SORCS3: variants seen among roughly 807,000 people sequenced by gnomAD.
SORCS3 encodes sortilin related VPS10 domain containing receptor 3.
In SORCS3, 57 loss-of-function variants were observed where a neutral mutation model predicts 146.3. That is an observed-to-expected ratio of 0.39 (90% CI 0.31 to 0.49). The LOEUF (loss-of-function observed/expected upper bound fraction) is 0.49. SORCS3 is among the 20% of genes least tolerant of loss of function. SORCS3 has a pLI of 0.92. For missense variants in SORCS3, 1,341 were observed against 1,575.5 expected (o/e 0.85, Z 2.52); for synonymous variants, 653 against 618.5 (o/e 1.06, Z -0.83).
intron 5 of SORCS3, among the ~76,000 whole-genome samples, chr10:105,054,559 T>C (rs2055433838): frequency 6.6e-6 from 1 of 151,582 alleles, no homozygotes; most frequent in African/African-American, 2.4e-5. Context: ...TTTTTAAGAT[T>C]TATAGGATTT....
chr10:104,779,420 C>T (rs1344217463), intron 1 of SORCS3, among the ~76,000 whole-genome samples: 2 of 152,108 alleles, frequency 1.3e-5, no homozygotes, highest in African/African-American at 4.8e-5. Context: ...TGAGAGGACA[C>T]GTACACACAA....
At chr10:104,718,895 A>G (rs2016510833) in intron 1 of SORCS3, among the ~76,000 whole-genome samples, 1 of 152,220 alleles carries the variant, frequency 6.6e-6, no homozygotes, top group African/African-American at 2.4e-5. Flanking sequence ...TTTATTTCAT[A>G]AAAATAAAGA....
At chr10:105,028,467 C>T (rs1011305882) in intron 4 of SORCS3, among the ~76,000 whole-genome samples, 1 of 152,170 alleles carries the variant, frequency 6.6e-6, no homozygotes, top group Non-Finnish European at 1.5e-5. Context: ...TCCACTACCT[C>T]CCCGTGAAAT....
chr10:104,762,410 C>T (rs1015576973), intron 1 of SORCS3, among the ~76,000 whole-genome samples: 1 of 152,220 alleles, frequency 6.6e-6, no homozygotes, highest in African/African-American at 2.4e-5. Context: ...ATTTGCTTTT[C>T]TCCAACGATG....
chr10:104,968,456 G>A (rs2054839953), intron 3 of SORCS3, among the ~76,000 whole-genome samples: 1 of 152,150 alleles, frequency 6.6e-6, no homozygotes, highest in Admixed American at 6.5e-5. Flanking sequence ...TCAGTCTGAG[G>A]AGCCTGGCCT....
intron 1 of SORCS3, among the ~76,000 whole-genome samples, chr10:104,680,169 G>C (rs2015954435): frequency 6.6e-6 from 1 of 152,106 alleles, no homozygotes; most frequent in African/African-American, 2.4e-5. Context: ...CTCTCAGAGG[G>C]ATACAAATAG....
intron 11 of SORCS3, among the ~76,000 whole-genome samples, chr10:105,163,210 G>A (rs2056281564): frequency 6.6e-6 from 1 of 152,174 alleles, no homozygotes; most frequent in South Asian, 2.1e-4. Flanking sequence ...TTGACAAGCT[G>A]TAGCCTGGCT....
chr10:104,667,290 C>T (rs951212430), intron 1 of SORCS3, among the ~76,000 whole-genome samples: 11 of 151,424 alleles, frequency 7.3e-5, no homozygotes, highest in Admixed American at 6.6e-4. Flanking sequence ...CCCTTCTCCT[C>T]AGCTGCTTTT....
At chr10:104,773,138 A>T (rs979458365) in intron 1 of SORCS3, among the ~76,000 whole-genome samples, 1 of 152,170 alleles carries the variant, frequency 6.6e-6, no homozygotes, top group African/African-American at 2.4e-5. Flanking sequence ...AGCAGCACAC[A>T]TGTGAGTCCC....
chr10:105,066,147 A>T (rs1426028673), intron 5 of SORCS3, among the ~76,000 whole-genome samples: 1 of 152,210 alleles, frequency 6.6e-6, no homozygotes, highest in Non-Finnish European at 1.5e-5. Context: ...GCATGGGCTC[A>T]TCTGGTGGAA....
At chr10:104,872,559 C>G (rs1272156774) in intron 2 of SORCS3, among the ~76,000 whole-genome samples, 1 of 110,496 alleles carries the variant, frequency 9.1e-6, no homozygotes, top group Non-Finnish European at 1.7e-5. Flanking sequence ...TAGGGATCCT[C>G]ATTTTGATTT....
intron 8 of SORCS3, 120 bp downstream of exon 8, chr10:105,139,606 C>T (rs764714550): frequency 2.8e-6 from 2 of 705,340 alleles, no homozygotes; most frequent in African/African-American, 3.5e-5. Context: ...CATTTAGACT[C>T]ACTCACCACC....
At chr10:105,208,366 GA>G (rs2056615057) in intron 16 of SORCS3, among the ~76,000 whole-genome samples, 1 of 149,576 alleles carries the variant, frequency 6.7e-6, no homozygotes, top group Admixed American at 6.7e-5. Flanking sequence ...AAAAAAAAGA[GA>G]AATAAGAGAT....
chr10:105,174,136 A>G (rs1180390205), intron 13 of SORCS3, among the ~76,000 whole-genome samples: 2 of 152,210 alleles, frequency 1.3e-5, no homozygotes, highest in Non-Finnish European at 2.9e-5. Context: ...GATCAGGCAC[A>G]TAGTAGTAGG....
chr10:104,648,826 C>G (rs1384371179), intron 1 of SORCS3, among the ~76,000 whole-genome samples: 6 of 151,978 alleles, frequency 3.9e-5, no homozygotes, highest in Non-Finnish European at 8.8e-5. Context: ...GTCTAAGAAC[C>G]TCAGGATTGC....
At chr10:105,169,010 A>G (rs1053773099) in intron 13 of SORCS3, among the ~76,000 whole-genome samples, 9 of 152,168 alleles carry the variant, frequency 5.9e-5, no homozygotes, top group African/African-American at 1.9e-4. Flanking sequence ...CTTGATATTA[A>G]TGATAGTCAG....
intron 7 of SORCS3, among the ~76,000 whole-genome samples, chr10:105,109,958 G>A (rs532553929): frequency 6.6e-6 from 1 of 151,448 alleles, no homozygotes; most frequent in South Asian, 2.1e-4. Context: ...GGCATATCTT[G>A]AAATATGTTT....
At chr10:105,225,671 A>G (rs1339282696) in intron 20 of SORCS3, among the ~76,000 whole-genome samples, 5 of 152,078 alleles carry the variant, frequency 3.3e-5, no homozygotes, top group Admixed American at 2.0e-4. Flanking sequence ...CAAATTGGTA[A>G]GAAGTGACAT....
Position 104,861,827 on chromosome 10 carries a change from T to C in SORCS3, c.695+18968T>C, listed in dbSNP as rs190174970. On this transcript the variant is annotated intron_variant, in intron 2 of 26. Transcript: ENST00000369701. ...ACCGTCCTGGAGGCTGAGTCTGAGA[T>C]TGAGGTGTTGGCATGGTTAGTTCCC... is the stretch of plus-strand genomic sequence containing the variant. Among the ~76,000 whole-genome samples the C allele has an allele frequency of 6.4e-4, 97 of 152,250 alleles. 2 individuals carry two copies. Among genetic ancestry groups the C allele is most frequent in the Admixed American group, 5.3e-3 (81 of 15,288 alleles).
Sources: allele counts gnomAD v4.1 joint callset (sites outside exome capture counted in the v4.1 genomes callset), GRCh38; gene constraint gnomAD v4.1.1; transcripts MANE v1.5; gene names NCBI Gene and HGNC (gene_info 2026-07-23, HGNC 2026-07-21).